The following DOK5 variants were observed in gnomAD, a reference collection of about 807,000 sequenced individuals.
The protein encoded by DOK5 is downstream of tyrosine kinase 5.
Under a neutral mutation model 43.3 loss-of-function variants are expected in DOK5, and 27 were observed. That is an observed-to-expected ratio of 0.62 (90% CI 0.46 to 0.86). The LOEUF (loss-of-function observed/expected upper bound fraction) is 0.86, where lower values mean the gene tolerates loss of function less well. Ranked by LOEUF, DOK5 falls within the 40% of genes least tolerant of loss-of-function variation. The pLI, the probability that DOK5 is intolerant of heterozygous loss-of-function variation, is 0.00. For missense variants in DOK5, 373 were observed against 392.9 expected (o/e 0.95, Z 0.43); for synonymous variants, 146 against 140.1 (o/e 1.04, Z -0.30).
chr20:54,598,737 T>C (rs1986218887), intron 5 of DOK5, among the ~76,000 whole-genome samples: 1 of 152,228 alleles, frequency 6.6e-6, no homozygotes, highest in Admixed American at 6.5e-5. Context: ...TAAGAGAAAC[T>C]TTTAGGTATG....
intron 5 of DOK5, among the ~76,000 whole-genome samples, chr20:54,593,055 C>G (rs1222210622): frequency 1.3e-5 from 2 of 152,134 alleles, no homozygotes; most frequent in Non-Finnish European, 2.9e-5. Context: ...GAATGGATAA[C>G]AGTAGTGGTC....
At chr20:54,597,029 T>G (rs1328979419) in intron 5 of DOK5, among the ~76,000 whole-genome samples, 1 of 152,188 alleles carries the variant, frequency 6.6e-6, no homozygotes, top group Admixed American at 6.5e-5. Flanking sequence ...GCTCACAGGG[T>G]ACAAATGCAA....
chr20:54,531,199 T>A (rs574264408), intron 1 of DOK5, among the ~76,000 whole-genome samples: 2 of 152,360 alleles, frequency 1.3e-5, no homozygotes, highest in Non-Finnish European at 2.9e-5. Flanking sequence ...GAACGTTTGT[T>A]AGTGTCACTC....
Position 54,479,044 on chromosome 20 carries a change from A to G in DOK5, c.66+3032A>G, listed in dbSNP as rs548902370. On this transcript the variant is annotated intron_variant, in intron 1 of 7. Transcript: ENST00000262593. ...AAATATATACATACAACCTATGTAC[A>G]TATTGTATAATATATAATATACGTA... Among the ~76,000 whole-genome samples the G allele has an allele frequency of 1.1e-4, 17 of 152,166 alleles. No homozygotes were observed. In the Middle Eastern group the frequency reaches 0.01, roughly 91 times the overall value.
chr20:54,631,052 A>T (rs567752789), intron 6 of DOK5, among the ~76,000 whole-genome samples: 1 of 152,322 alleles, frequency 6.6e-6, no homozygotes, highest in African/African-American at 2.4e-5. Flanking sequence ...GAGCCAAAGG[A>T]TGGACTAAGA....
chr20:54,643,137 G>A (rs948553380), intron 6 of DOK5, among the ~76,000 whole-genome samples: 9 of 152,278 alleles, frequency 5.9e-5, no homozygotes, highest in East Asian at 1.9e-4. Flanking sequence ...TTTCGGAGTG[G>A]TCTGGCATGG....
intron 6 of DOK5, among the ~76,000 whole-genome samples, chr20:54,625,697 G>T (rs141274208): frequency 2.0e-5 from 3 of 152,276 alleles, no homozygotes; most frequent in African/African-American, 7.2e-5. Context: ...GTGAGATAAG[G>T]CAGGTGATTT....
rs1982349053 is a variant in DOK5, at chr20:54,495,313, G to T, written c.66+19301G>T. ...CAATGGCCTAATAGCAGCTCTTCCTGAGTACCTGTTTATATCACCATAAAA... is the reference window on the plus strand; with the variant it reads ...CAATGGCCTAATAGCAGCTCTTCCTTAGTACCTGTTTATATCACCATAAAA... On this transcript the variant is annotated intron_variant, in intron 1 of 7. Coordinates refer to ENST00000262593, the MANE Select transcript of DOK5 (RefSeq NM_018431.5). 2.6e-5 allele frequency among the ~76,000 whole-genome samples: 4 copies of T among 152,094 alleles called. No individual in the cohort carries two copies. In the South Asian group the frequency reaches 8.3e-4, roughly 32 times the overall value.
rs186614323 is a variant in DOK5, at chr20:54,646,342, C to T, written c.856+2764C>T. Among the ~76,000 whole-genome samples, 452 of 141,576 alleles carry T rather than the reference C, an allele frequency of 3.2e-3. 6 individuals carry two copies. The highest frequency in any genetic ancestry group is 0.011 in the African/African-American group (433 of 39,044). The allele number at this position is 141,576 out of a possible 152,430, so 92.9% of individuals were successfully genotyped here. On this transcript the variant is annotated intron_variant, in intron 7 of 7. Transcript: ENST00000262593. The stretch of plus-strand genomic sequence containing the variant: ...GATCATGGCTCACTGCAGTCTCAAC[C>T]TCCTGGGCACCAGTGATCCTCCTGC...
intron 2 of DOK5, among the ~76,000 whole-genome samples, chr20:54,584,684 G>A (rs184812131): frequency 0.04 from 5,972 of 149,024 alleles, 155 homozygotes; most frequent in Non-Finnish European, 0.062. Flanking sequence ...GTATGTGTGT[G>A]TATATATATA....
chr20:54,475,925 G>GC lies in DOK5; in HGVS notation c.-22_-21insC. 3 of 1,612,632 alleles carry GC rather than the reference G, an allele frequency of 1.9e-6. No homozygotes were observed. Among genetic ancestry groups the GC allele is most frequent in the African/African-American group, 2.7e-5 (2 of 75,034 alleles). ...TTCGGGTGCGCGCTCTTGGGTAAAG[G>GC]GGGGGTCACCGGCTGTCTGGGATGG... On this transcript the variant is annotated 5_prime_UTR_variant, in exon 1 of 8. Coordinates refer to ENST00000262593, the MANE Select transcript of DOK5 (RefSeq NM_018431.5). This position sits in a 1 kb window ranked among gnomAD's most constrained non-coding sequence, Gnocchi z 4.2.
At chr20:54,546,131 A>G (rs567299084) in intron 1 of DOK5, among the ~76,000 whole-genome samples, 10 of 152,316 alleles carry the variant, frequency 6.6e-5, no homozygotes, top group South Asian at 2.1e-4. Context: ...TAAGATGCTC[A>G]ACCTCACTAA....
intron 4 of DOK5, among the ~76,000 whole-genome samples, chr20:54,590,515 A>AGG (rs11482472): frequency 1.1e-3 from 166 of 151,574 alleles, no homozygotes; most frequent in African/African-American, 3.1e-3. Context: ...GGAACTTTCA[A>AGG]GGGGGGGGAA....
At chr20:54,538,155 G>C (rs746767892) in intron 1 of DOK5, among the ~76,000 whole-genome samples, 37 of 151,340 alleles carry the variant, frequency 2.4e-4, no homozygotes, top group Admixed American at 2.0e-3. Context: ...AAGTTCTTGA[G>C]TAATGTCGTT....
Position 54,591,611 on chromosome 20 carries a change from C to T in DOK5, c.410-5C>T, listed in dbSNP as rs773841311. On this transcript the variant is annotated splice_polypyrimidine_tract_variant and splice_region_variant and intron_variant, in intron 4 of 7. Transcript: ENST00000262593. Reference sequence around the variant, plus strand: ...TTTTAGACTAACCTTTTGTTTTTCTCCCAGAGAGATTCAATGTGTATTTGA... The same window carrying T: ...TTTTAGACTAACCTTTTGTTTTTCTTCCAGAGAGATTCAATGTGTATTTGA... 7.6e-6 allele frequency: 12 copies of T among 1,578,884 alleles called. No individual in the cohort carries two copies. The Admixed American group carries it at 2.2e-4, about 28-fold the overall frequency.
chr20:54,639,314 T>C (rs2146826044), intron 6 of DOK5, among the ~76,000 whole-genome samples: 1 of 152,352 alleles, frequency 6.6e-6, no homozygotes, highest in African/African-American at 2.4e-5. Flanking sequence ...CTTCTCTACC[T>C]CTGTCACCTG....
At chr20:54,487,112 C>T (rs2146663486) in intron 1 of DOK5, among the ~76,000 whole-genome samples, 1 of 152,190 alleles carries the variant, frequency 6.6e-6, no homozygotes, top group Admixed American at 6.5e-5. Context: ...ATAAGACTGG[C>T]CACAGTATTT....
intron 5 of DOK5, among the ~76,000 whole-genome samples, chr20:54,594,797 T>C (rs999324907): frequency 2.0e-5 from 3 of 152,232 alleles, no homozygotes; most frequent in African/African-American, 7.2e-5. Context: ...ATTTTAAACT[T>C]GAAAACATGT....
chr20:54,539,070 C>T (rs1984051108), intron 1 of DOK5, among the ~76,000 whole-genome samples: 1 of 152,016 alleles, frequency 6.6e-6, no homozygotes, highest in African/African-American at 2.4e-5. Context: ...ATCACAAGGT[C>T]AGGAGTTCAA....
Sources: gnomAD v4.1 joint callset for allele counts (sites outside exome capture counted in the v4.1 genomes callset) on GRCh38, gnomAD v4.1.1 for gene constraint, Gnocchi (gnomAD v3.1) non-coding constraint, MANE v1.5 for transcripts, NCBI Gene and HGNC (gene_info 2026-07-23, HGNC 2026-07-21) for gene names.